CSNK1G1: variants seen among roughly 807,000 people sequenced by gnomAD.
CSNK1G1 encodes the protein casein kinase 1 gamma 1, also known as casein kinase I isoform gamma-1.
In CSNK1G1, 22 loss-of-function variants were observed where a neutral mutation model predicts 59.6. The ratio of observed to expected loss-of-function variants is 0.37; its 90% confidence interval spans 0.26 to 0.53. The LOEUF (loss-of-function observed/expected upper bound fraction) is 0.53, where lower values mean the gene tolerates loss of function less well. CSNK1G1 is among the 20% of genes least tolerant of loss of function. The pLI, the probability that CSNK1G1 is intolerant of heterozygous loss-of-function variation, is 0.89. For missense variants in CSNK1G1, 384 were observed against 519.5 expected, an observed-to-expected ratio of 0.74 and a Z score of 2.54; for synonymous variants, 179 against 177.1, an observed-to-expected ratio of 1.01 and a Z score of -0.08.
At chr15:64,251,929 T>G (rs1035326267) in intron 3 of CSNK1G1, among the ~76,000 whole-genome samples, 2 of 152,198 alleles carry the variant, frequency 1.3e-5, no homozygotes, top group Non-Finnish European at 2.9e-5. Flanking sequence ...TTCCTGCTTG[T>G]TTTGTTCAGA....
intron 2 of CSNK1G1, among the ~76,000 whole-genome samples, chr15:64,290,511 T>TA (rs1894679474): frequency 6.6e-6 from 1 of 152,124 alleles, no homozygotes; most frequent in Admixed American, 6.5e-5. Flanking sequence ...CTTTCACTTA[T>TA]AAGTGGGAGC....
At chr15:64,186,972 G>A (rs1299095283) in intron 10 of CSNK1G1, among the ~76,000 whole-genome samples, 5 of 151,584 alleles carry the variant, frequency 3.3e-5, no homozygotes, top group Non-Finnish European at 5.9e-5. Flanking sequence ...ATAGGCATGC[G>A]CCACCATGCC....
intron 1 of CSNK1G1, among the ~76,000 whole-genome samples, chr15:64,325,627 T>C (rs539762658): frequency 3.9e-4 from 60 of 152,332 alleles, no homozygotes; most frequent in Non-Finnish European, 8.2e-4. Context: ...TACCTTTAAC[T>C]ATTATAACTT....
At chr15:64,280,641 G>A (rs1166393536) in intron 2 of CSNK1G1, among the ~76,000 whole-genome samples, 2 of 151,780 alleles carry the variant, frequency 1.3e-5, no homozygotes, top group Non-Finnish European at 2.9e-5. Context: ...GATTACAGGC[G>A]TGAGCCACTG....
At chr15:64,307,773 G>A (rs1232143407) in intron 1 of CSNK1G1, among the ~76,000 whole-genome samples, 3 of 152,268 alleles carry the variant, frequency 2.0e-5, no homozygotes, top group Admixed American at 6.5e-5. Context: ...TGCAAGCTCC[G>A]TCTCCCGGGT....
At chr15:64,199,581 G>A (rs556420626) in intron 10 of CSNK1G1, among the ~76,000 whole-genome samples, 8 of 152,308 alleles carry the variant, frequency 5.3e-5, no homozygotes, top group South Asian at 2.1e-4. Flanking sequence ...TAGGACGGGC[G>A]CGGTGGCTCA....
chr15:64,335,210 AT>A (rs1279107884), intron 1 of CSNK1G1, among the ~76,000 whole-genome samples: 3 of 152,130 alleles, frequency 2.0e-5, no homozygotes, highest in Non-Finnish European at 4.4e-5. Context: ...CTCACTAAAA[AT>A]TTTTTTAAGC....
chr15:64,190,998 C>A (rs1260468759), intron 10 of CSNK1G1, among the ~76,000 whole-genome samples: 1 of 152,056 alleles, frequency 6.6e-6, no homozygotes, highest in Non-Finnish European at 1.5e-5. Flanking sequence ...ATGTTGAGTT[C>A]TATAATACAT....
At chr15:64,224,864 T>C (rs950559274) in intron 4 of CSNK1G1, among the ~76,000 whole-genome samples, 2 of 152,110 alleles carry the variant, frequency 1.3e-5, no homozygotes, top group Non-Finnish European at 2.9e-5. Flanking sequence ...AGTGTCTCTA[T>C]TACATACACA....
intron 1 of CSNK1G1, chr15:64,316,903 AC>A (rs1346060712): frequency 6.6e-6 from 1 of 151,802 alleles, no homozygotes; most frequent in African/African-American, 2.4e-5. Flanking sequence ...GGACCCCCTT[AC>A]AGTTGTAAGC....
intron 8 of CSNK1G1, 119 bp downstream of exon 8, chr15:64,204,746 C>G: frequency 8.9e-7 from 1 of 1,129,888 alleles, no homozygotes; most frequent in Non-Finnish European, 1.3e-6. Context: ...CTACTTTGGT[C>G]TGTATCACAA....
chr15:64,342,863 T>A (rs1897746841), intron 1 of CSNK1G1, among the ~76,000 whole-genome samples: 1 of 152,198 alleles, frequency 6.6e-6, no homozygotes, highest in South Asian at 2.1e-4. Context: ...CTTGTTAAAA[T>A]ACAGATTGCT....
At chr15:64,290,332 C>A (rs987751778) in intron 2 of CSNK1G1, among the ~76,000 whole-genome samples, 1 of 150,402 alleles carries the variant, frequency 6.6e-6, no homozygotes. Context: ...CATACACATA[C>A]ACACACACAT....
At chr15:64,219,153 C>A (rs1056781306) in intron 4 of CSNK1G1, among the ~76,000 whole-genome samples, 11 of 152,166 alleles carry the variant, frequency 7.2e-5, no homozygotes, top group Non-Finnish European at 1.5e-4. Flanking sequence ...CCACACCAGG[C>A]CCCAAAGAGT....
chr15:64,184,026 G>A (rs771926121), intron 10 of CSNK1G1, among the ~76,000 whole-genome samples: 13 of 151,982 alleles, frequency 8.6e-5, no homozygotes, highest in Non-Finnish European at 1.6e-4. Flanking sequence ...CTTTATGGCC[G>A]GGTGCAGTGG....
Position 64,242,136 on chromosome 15 carries a change from C to T in CSNK1G1, c.292+9376G>A, listed in dbSNP as rs144328041. Among the ~76,000 whole-genome samples, 1,244 of 152,250 alleles carry T rather than the reference C, an allele frequency of 8.2e-3. 10 individuals are homozygous for T. Among genetic ancestry groups the T allele is most frequent in the Non-Finnish European group, 0.012 (848 of 68,022 alleles). On this transcript the variant is annotated intron_variant, in intron 4 of 11. Coordinates refer to ENST00000303052, the MANE Select transcript of CSNK1G1 (RefSeq NM_022048.5). Reference sequence around the variant, plus strand: ...TGGATAAATTCCTGGACATATACCACCAACCAAAACTGAACCATGAAAAAC... The same window carrying T: ...TGGATAAATTCCTGGACATATACCATCAACCAAAACTGAACCATGAAAAAC...
In CSNK1G1 at chr15:64,238,519, AT is replaced by A. The variant is rs1361957645; in HGVS notation, c.292+12992del. Among the ~76,000 whole-genome samples, 552 of 71,430 alleles carry A rather than the reference AT, an allele frequency of 7.7e-3. 7 individuals carry two copies. Among genetic ancestry groups the A allele is most frequent in the African/African-American group, 0.032 (410 of 12,712 alleles). The allele number at this position is 71,430 out of a possible 152,430, so 46.9% of individuals were successfully genotyped here. On this transcript the variant is annotated intron_variant, in intron 4 of 11. Coordinates refer to ENST00000303052, the MANE Select transcript of CSNK1G1 (RefSeq NM_022048.5). ...TAAAAAAAAAAAAAAAAAAAAAAAAATATATATATATATATATATATATATG... is the reference window on the plus strand; with the variant it reads ...TAAAAAAAAAAAAAAAAAAAAAAAAAATATATATATATATATATATATATG...
intron 1 of CSNK1G1, among the ~76,000 whole-genome samples, chr15:64,317,686 C>T (rs1306827609): frequency 1.3e-5 from 2 of 152,112 alleles, no homozygotes; most frequent in African/African-American, 2.4e-5. Context: ...TTTGCAGAAA[C>T]GTGGTCTCAC....
chr15:64,353,814 A>G (rs1410778226), intron 1 of CSNK1G1, among the ~76,000 whole-genome samples: 1 of 152,102 alleles, frequency 6.6e-6, no homozygotes, highest in African/African-American at 2.4e-5. Context: ...GGCCTAAGTG[A>G]CAGAGAAAGA....
Sources: gnomAD v4.1 joint callset for allele counts (sites outside exome capture counted in the v4.1 genomes callset) on GRCh38, gnomAD v4.1.1 for gene constraint, MANE v1.5 for transcripts, NCBI Gene and HGNC (gene_info 2026-07-23, HGNC 2026-07-21) for gene names.